MFAP3: variants seen among roughly 807,000 people sequenced by gnomAD.
MFAP3 encodes the protein microfibril associated protein 3.
Under a neutral mutation model 20.5 loss-of-function variants are expected in MFAP3, and 8 were observed. The ratio of observed to expected loss-of-function variants is 0.39; its 90% CI spans 0.23 to 0.70. The LOEUF (loss-of-function observed/expected upper bound fraction) is 0.70. Ranked by LOEUF, MFAP3 falls within the 30% of genes least tolerant of loss-of-function variation. MFAP3 has a pLI of 0.44. For missense variants in MFAP3, 398 were observed against 444.6 expected (o/e 0.90, Z 0.94); for synonymous variants, 140 against 154.0 (o/e 0.91, Z 0.67).
Position 154,054,763 on chromosome 5 carries a change from T to C in MFAP3, c.*1050T>C, listed in dbSNP as rs1049345746. The stretch of plus-strand genomic sequence containing the variant: ...CTGCCCTTTGTGGTCTTAGGTATGG[T>C]GCTATAGGTTGCATGCGTCTTTATC... On this transcript the variant is annotated 3_prime_UTR_variant, in exon 3 of 3. Coordinates refer to ENST00000522782, the MANE Select transcript of MFAP3 (RefSeq NM_005927.5). 8 of 167,108 alleles carry C rather than the reference T, an allele frequency of 4.8e-5. No individual in the cohort carries two copies. Among genetic ancestry groups the C allele is most frequent in the African/African-American group, 1.9e-4 (8 of 41,460 alleles). The allele number at this position is 167,108 out of a possible 1,614,324, so 10.4% of individuals were successfully genotyped here.
rs1773353173 is a variant in MFAP3 at position 154,057,219 on chromosome 5, C to G, written c.*3506C>G. ...CTGAGTACCAGTAAGAGAATGCATT[C>G]TTTTCTCATCTAGGCCAGGAATGTT... On this transcript the variant is annotated 3_prime_UTR_variant, in exon 3 of 3. Coordinates refer to ENST00000522782, the MANE Select transcript of MFAP3 (RefSeq NM_005927.5). 6.6e-6 allele frequency among the ~76,000 whole-genome samples: 1 copy of G among 152,176 alleles called. No individual in the cohort carries two copies. The highest frequency in any genetic ancestry group is 1.5e-5 in the Non-Finnish European group (1 of 68,032).
At chr5:154,042,889 A>G (rs1198392877) in intron 1 of MFAP3, among the ~76,000 whole-genome samples, 1 of 152,112 alleles carries the variant, frequency 6.6e-6, no homozygotes, top group African/African-American at 2.4e-5. Flanking sequence ...GCATTTTCCC[A>G]GAACTATTTC....
chr5:154,044,083 C>CT (rs1252453601), intron 1 of MFAP3, among the ~76,000 whole-genome samples: 9 of 152,212 alleles, frequency 5.9e-5, no homozygotes, highest in Non-Finnish European at 1.0e-4. Context: ...TCTGGGCTGT[C>CT]TTTCAAGCTG....
chr5:154,042,146 G>A (rs999107692), intron 1 of MFAP3, among the ~76,000 whole-genome samples: 1 of 152,106 alleles, frequency 6.6e-6, no homozygotes, highest in African/African-American at 2.4e-5. Context: ...TAGATCTGAG[G>A]GTAAGAGGAG....
At position 154,042,310 on chromosome 5, in the gene MFAP3, G is replaced by C. The variant is rs557784158; in HGVS notation, c.-167+3299G>C. On this transcript the variant is annotated intron_variant, in intron 1 of 2. Transcript: ENST00000522782. ...TCAGCAAATATACCTATGGCAAAAAGGATATAAGTTATGGGTATAACTGAA... is the reference window on the plus strand; with the variant it reads ...TCAGCAAATATACCTATGGCAAAAACGATATAAGTTATGGGTATAACTGAA... Among the ~76,000 whole-genome samples, 4 of 152,310 alleles carry C rather than the reference G, an allele frequency of 2.6e-5. No homozygotes were observed. The South Asian group carries it at 8.3e-4, about 32-fold the overall frequency.
rs1581869711 is a variant in MFAP3 at position 154,055,292 on chromosome 5, C to A, written c.*1579C>A. Reference sequence around the variant, plus strand: ...ACAGGGGAAGACAGGAAATTCAAAGCGTGACGGGATAAAACTCATGCCTCC... The same window carrying A: ...ACAGGGGAAGACAGGAAATTCAAAGAGTGACGGGATAAAACTCATGCCTCC... On this transcript the variant is annotated 3_prime_UTR_variant, in exon 3 of 3. Transcript: ENST00000522782. 6.6e-6 allele frequency among the ~76,000 whole-genome samples: 1 copy of A among 152,136 alleles called. No individual in the cohort carries two copies. The highest frequency in any genetic ancestry group is 2.4e-5 in the African/African-American group (1 of 41,432).
intron 1 of MFAP3, among the ~76,000 whole-genome samples, chr5:154,046,041 G>A (rs557258616): frequency 6.6e-6 from 1 of 152,248 alleles, no homozygotes; most frequent in East Asian, 1.9e-4. Context: ...CGCAAACACA[G>A]AGTTTCTTAC....
chr5:154,043,645 A>G (rs1454806446), intron 1 of MFAP3, among the ~76,000 whole-genome samples: 2 of 152,190 alleles, frequency 1.3e-5, no homozygotes, highest in Non-Finnish European at 2.9e-5. Flanking sequence ...ACTGATAAGA[A>G]GAAGGTGACA....
rs186334813 is a variant in MFAP3, at chr5:154,052,601, T to A, written c.296-319T>A. ...ATATGTATAAACTATAAGCTTTTTT[T>A]ATGATTAGTCATTTAGCATTTTATA... On this transcript the variant is annotated intron_variant, in intron 2 of 2. Coordinates refer to ENST00000522782, the MANE Select transcript of MFAP3 (RefSeq NM_005927.5). Among the ~76,000 whole-genome samples the A allele has an allele frequency of 1.6e-4, 25 of 152,308 alleles. No individual in the cohort carries two copies. In the East Asian group the frequency reaches 4.6e-3, roughly 28 times the overall value.
intron 1 of MFAP3, among the ~76,000 whole-genome samples, chr5:154,043,112 T>C (rs1581860179): frequency 6.6e-6 from 1 of 152,182 alleles, no homozygotes; most frequent in African/African-American, 2.4e-5. Context: ...TCAACATGGT[T>C]TTCTGGGGTA....
chr5:154,052,859 A>C, intron 2 of MFAP3, 61 bp from the exon 3 acceptor site: 1 of 1,376,840 alleles, frequency 7.3e-7, no homozygotes, highest in Non-Finnish European at 1.0e-6. Context: ...TGGATAAGGC[A>C]GCGGGCATAT....
rs760363463 is a variant in MFAP3 at position 154,053,399 on chromosome 5, G to C, written c.775G>C (p.Val259Leu). The C allele has an allele frequency of 6.2e-7, 1 of 1,614,036 alleles. No homozygotes were observed. The highest frequency in any genetic ancestry group is 1.7e-5 in the Admixed American group (1 of 59,990). ...CTTTGTTGAGGAGATGTTTGAGGCT[G>C]TGCGAGTGGACGACCCTGATGACCT... Reference protein sequence around the residue: ...RAFVEEMFEAVRVDDPDDLGE... With the variant: ...RAFVEEMFEALRVDDPDDLGE... The change falls in exon 3 of 3, where the codon GTG becomes CTG. Residue 259 changes from valine (V) to leucine (L), a missense_variant. Physicochemically the swap from Val to Leu is conservative, Grantham distance 32. Transcript: ENST00000522782.
chr5:154,056,979 G>T lies in MFAP3; in HGVS notation c.*3266G>T, dbSNP rs999427476. On this transcript the variant is annotated 3_prime_UTR_variant, in exon 3 of 3. Coordinates refer to ENST00000522782, the MANE Select transcript of MFAP3 (RefSeq NM_005927.5). The stretch of plus-strand genomic sequence containing the variant: ...TAAGGTCAAAGCAATATCTGTGCAC[G>T]GCTTTCCTTTTGCTCCTCCAGACAA... 6.6e-6 allele frequency among the ~76,000 whole-genome samples: 1 copy of T among 152,150 alleles called. No homozygotes were observed. Among genetic ancestry groups the T allele is most frequent in the Non-Finnish European group, 1.5e-5 (1 of 68,024 alleles).
intron 1 of MFAP3, among the ~76,000 whole-genome samples, chr5:154,046,279 A>C (rs1773071502): frequency 6.6e-6 from 1 of 152,220 alleles, no homozygotes; most frequent in Admixed American, 6.5e-5. Flanking sequence ...TGTTTCAGAG[A>C]ATTTATAATA....
intron 1 of MFAP3, among the ~76,000 whole-genome samples, chr5:154,042,392 C>A (rs1772975355): frequency 6.6e-6 from 1 of 152,094 alleles, no homozygotes; most frequent in South Asian, 2.1e-4. Flanking sequence ...TCTCCAGGTG[C>A]CAGAAGATAT....
chr5:154,051,426 C>T (rs1010471627), intron 2 of MFAP3, among the ~76,000 whole-genome samples: 5 of 152,190 alleles, frequency 3.3e-5, no homozygotes, highest in African/African-American at 1.2e-4. Flanking sequence ...AGCAGCAGCT[C>T]TGGAAAATTG....
At chr5:154,050,811 C>G (rs1554086962) in intron 2 of MFAP3, among the ~76,000 whole-genome samples, 1 of 151,806 alleles carries the variant, frequency 6.6e-6, no homozygotes, top group Non-Finnish European at 1.5e-5. Flanking sequence ...AACCAGTGTT[C>G]TGTTATAAAG....
chr5:154,047,052 GAAC>G (rs1410553105), intron 1 of MFAP3, among the ~76,000 whole-genome samples: 2 of 152,046 alleles, frequency 1.3e-5, no homozygotes, highest in African/African-American at 2.4e-5. Context: ...TGTTTTTTGT[GAAC>G]AACTCCTGAC....
chr5:154,049,514 A>G (rs1477353829), intron 1 of MFAP3, 43 bp from the exon 2 acceptor site: 1 of 554,076 alleles, frequency 1.8e-6, no homozygotes, highest in East Asian at 3.0e-5. Context: ...TCACCCCATT[A>G]TGAATCTCAG....
Sources: allele counts gnomAD v4.1 joint callset (sites outside exome capture counted in the v4.1 genomes callset), GRCh38; gene constraint gnomAD v4.1.1; transcripts MANE v1.5; gene names NCBI Gene and HGNC (gene_info 2026-07-23, HGNC 2026-07-21).